Variants in SLC9A9 observed in about 807,000 individuals in gnomAD.
SLC9A9 encodes solute carrier family 9 member A9.
SLC9A9 carries 62 observed loss-of-function variants against 77.8 expected under a neutral mutation model. The observed-to-expected ratio is 0.80, with a 90% CI of 0.65 to 0.98. SLC9A9 has a LOEUF of 0.98. Ranked by LOEUF, SLC9A9 falls within the 50% of genes least tolerant of loss-of-function variation. The probability of loss-of-function intolerance (pLI) is 0.00; values close to 1 mark genes in which losing one functional copy is unlikely to be tolerated. For missense variants in SLC9A9, 775 were observed against 774.9 expected (o/e 1.00, Z 0.00); for synonymous variants, 320 against 283.5 (o/e 1.13, Z -1.29).
chr3:143,561,058 G>C (rs868201891), intron 8 of SLC9A9, among the ~76,000 whole-genome samples: 6 of 152,162 alleles, frequency 3.9e-5, no homozygotes, highest in Admixed American at 3.3e-4. Flanking sequence ...GTGTGCGCCT[G>C]TAATCCCAGC....
chr3:143,517,944 G>A, intron 9 of SLC9A9: 4 of 1,470,950 alleles, frequency 2.7e-6, no homozygotes, highest in South Asian at 1.1e-5. Context: ...ATTTCTTAAG[G>A]AGCATCAGTG....
chr3:143,465,271 C>T (rs1202857916), intron 12 of SLC9A9, among the ~76,000 whole-genome samples: 1 of 152,224 alleles, frequency 6.6e-6, no homozygotes, highest in Non-Finnish European at 1.5e-5. Context: ...TCTTACTAGG[C>T]TTTGTCCTAT....
chr3:143,321,516 C>G (rs988639103), intron 14 of SLC9A9, among the ~76,000 whole-genome samples: 1 of 152,180 alleles, frequency 6.6e-6, no homozygotes, highest in Non-Finnish European at 1.5e-5. Context: ...TGAATACTAC[C>G]AGCTCTTCAT....
intron 2 of SLC9A9, among the ~76,000 whole-genome samples, chr3:143,820,904 C>T (rs1312356155): frequency 6.3e-5 from 9 of 142,144 alleles, no homozygotes; most frequent in African/African-American, 2.1e-4. Flanking sequence ...CTTTCTTTGT[C>T]TTATTTTTTT....
chr3:143,514,758 A>G (rs1470705924), intron 9 of SLC9A9, among the ~76,000 whole-genome samples: 2 of 152,208 alleles, frequency 1.3e-5, no homozygotes, highest in Non-Finnish European at 1.5e-5. Context: ...CTTGCTCTGC[A>G]TTAGGCTTTT....
At chr3:143,610,508 T>C (rs1284281374) in intron 6 of SLC9A9, among the ~76,000 whole-genome samples, 1 of 152,178 alleles carries the variant, frequency 6.6e-6, no homozygotes, top group Non-Finnish European at 1.5e-5. Flanking sequence ...TCATCAAGTT[T>C]AAAATATCCA....
intron 14 of SLC9A9, among the ~76,000 whole-genome samples, chr3:143,351,806 A>G (rs1291756871): frequency 6.6e-6 from 1 of 152,198 alleles, no homozygotes; most frequent in Non-Finnish European, 1.5e-5. Context: ...CTGTCACTGA[A>G]TTTAGTATCA....
At chr3:143,766,513 G>A (rs1160920191) in intron 4 of SLC9A9, among the ~76,000 whole-genome samples, 1 of 152,152 alleles carries the variant, frequency 6.6e-6, no homozygotes, top group Non-Finnish European at 1.5e-5. Flanking sequence ...AATTGCAAAT[G>A]TGACTATTTC....
intron 4 of SLC9A9, among the ~76,000 whole-genome samples, chr3:143,788,334 C>A (rs987810962): frequency 3.9e-5 from 6 of 152,060 alleles, no homozygotes; most frequent in Admixed American, 6.6e-5. Flanking sequence ...AAAATTCCAA[C>A]CACACAGGAA....
chr3:143,512,711 A>T (rs1398359873), intron 9 of SLC9A9, among the ~76,000 whole-genome samples: 1 of 152,180 alleles, frequency 6.6e-6, no homozygotes, highest in Non-Finnish European at 1.5e-5. Context: ...CCCCATCTCT[A>T]CTAAAAATAC....
chr3:143,535,998 G>A (rs1463953620), intron 9 of SLC9A9, among the ~76,000 whole-genome samples: 1 of 152,132 alleles, frequency 6.6e-6, no homozygotes, highest in Non-Finnish European at 1.5e-5. Context: ...ACTCATTGGG[G>A]CGCCAAATAA....
At chr3:143,636,948 A>G (rs2038533396) in intron 6 of SLC9A9, among the ~76,000 whole-genome samples, 1 of 152,160 alleles carries the variant, frequency 6.6e-6, no homozygotes, top group Non-Finnish European at 1.5e-5. Flanking sequence ...GACCCTACCC[A>G]ACATATGCAA....
chr3:143,309,972 T>C (rs2030956424), intron 14 of SLC9A9, among the ~76,000 whole-genome samples: 1 of 152,258 alleles, frequency 6.6e-6, no homozygotes, highest in Non-Finnish European at 1.5e-5. Flanking sequence ...GCAATGGATC[T>C]GGCTCACTTT....
intron 2 of SLC9A9, among the ~76,000 whole-genome samples, chr3:143,798,197 T>A (rs2008443700): frequency 6.6e-6 from 1 of 152,188 alleles, no homozygotes; most frequent in Admixed American, 6.5e-5. Context: ...TTAATTTCAG[T>A]TCCTTTCCTT....
At chr3:143,696,055 C>T (rs1257235291) in intron 4 of SLC9A9, among the ~76,000 whole-genome samples, 1 of 152,106 alleles carries the variant, frequency 6.6e-6, no homozygotes, top group African/African-American at 2.4e-5. Flanking sequence ...AGCCCTTTGT[C>T]AGATGGATAG....
intron 4 of SLC9A9, among the ~76,000 whole-genome samples, chr3:143,738,406 G>A (rs925631125): frequency 6.6e-6 from 1 of 152,048 alleles, no homozygotes; most frequent in Non-Finnish European, 1.5e-5. Flanking sequence ...CCGTTACAAC[G>A]GTTTTGTAAC....
intron 12 of SLC9A9, among the ~76,000 whole-genome samples, chr3:143,441,834 TCATCCATCCATCCATC>T (rs796090893): frequency 7.7e-6 from 1 of 129,596 alleles, no homozygotes; most frequent in African/African-American, 2.6e-5. Flanking sequence ...ATTTACTCAT[TCATCCATCCATCCATC>T]CATCCATCCA....
chr3:143,312,962 C>G (rs1042100754), intron 14 of SLC9A9: 1 of 152,200 alleles, frequency 6.6e-6, no homozygotes, highest in African/African-American at 2.4e-5. Context: ...TCAGGTCACT[C>G]TTTGGGCAAG....
chr3:143,282,995 G>T (rs1938270161), intron 14 of SLC9A9, among the ~76,000 whole-genome samples: 1 of 152,258 alleles, frequency 6.6e-6, no homozygotes, highest in Admixed American at 6.5e-5. Flanking sequence ...TGTTTCCATT[G>T]ATTATATCAG....
Sources: gnomAD v4.1 joint callset for allele counts (sites outside exome capture counted in the v4.1 genomes callset) on GRCh38, gnomAD v4.1.1 for gene constraint, MANE v1.5 for transcripts, NCBI Gene and HGNC (gene_info 2026-07-23, HGNC 2026-07-21) for gene names.